The following DUOX2 variants were observed in gnomAD, a reference collection of about 807,000 sequenced individuals.
DUOX2 encodes the protein dual oxidase 2.
In DUOX2, 185 loss-of-function variants were observed where a neutral mutation model predicts 183.3. That is an observed-to-expected ratio of 1.01 (90% CI 0.90 to 1.14). The LOEUF (loss-of-function observed/expected upper bound fraction) is 1.14. Among genes scored for constraint, DUOX2 ranks in the 50% most tolerant of loss-of-function variants. The probability of loss-of-function intolerance (pLI) is 0.00; values close to 1 mark genes in which losing one functional copy is unlikely to be tolerated. For missense variants in DUOX2, 1,999 were observed against 2,022.9 expected, an observed-to-expected ratio of 0.99 and a Z score of 0.23; for synonymous variants, 788 against 812.4, an observed-to-expected ratio of 0.97 and a Z score of 0.51.
At chr15:45,097,786 G>A (rs1337027123) in intron 27 of DUOX2, 45 bp from the exon 28 acceptor site, 2 of 1,613,954 alleles carry the variant, frequency 1.2e-6, no homozygotes, top group Admixed American at 1.7e-5. Flanking sequence ...CAGGACTTCA[G>A]CTTGGGCTGA....
chr15:45,101,438 C>T, intron 21 of DUOX2, 164 bp from the exon 22 acceptor site: 1 of 709,194 alleles, frequency 1.4e-6, no homozygotes, highest in South Asian at 1.6e-5. Context: ...ACAGGGCAGA[C>T]AATGTGGCAA....
rs1893941558 is a variant in DUOX2, at chr15:45,097,656, G to A, written c.3651C>T (p.Gly1217=). The A allele has an allele frequency of 6.2e-7, 1 of 1,614,230 alleles. No individual in the cohort carries two copies. Among genetic ancestry groups the A allele is most frequent in the African/African-American group, 1.3e-5 (1 of 75,070 alleles). The stretch of plus-strand genomic sequence containing the variant: ...TGTAGAGGTGGTGGGTCAGCCAGAA[G>A]CCCCGGAAGCTGCGGCGGCGGAAGT... ...SHHFRRRSFR[G]FWLTHHLYIL... Residue 1217 remains glycine (G), a synonymous_variant, in exon 28 of 34, where the codon GGC becomes GGT. Coordinates refer to ENST00000389039, the MANE Select transcript of DUOX2 (RefSeq NM_001363711.2).
chr15:45,106,917 A>G lies in DUOX2; in HGVS notation c.1746T>C (p.Cys582=), dbSNP rs2141152108. The part of the protein sequence containing the change: ...KQLTTDGLPQ[C]APLTVLDFFE... ...AGAAGTCAAGCACAGTCAGGGGTGC[A>G]CACTGGGGCAGGCCGTCAGTTGTGA... Residue 582 remains cysteine, a synonymous_variant, in exon 15 of 34, where the codon TGT becomes TGC. Transcript: ENST00000389039. 6.3e-7 allele frequency: 1 copy of G among 1,582,158 alleles called. No homozygotes were observed. The highest frequency in any genetic ancestry group is 8.6e-7 in the Non-Finnish European group (1 of 1,164,594).
intron 6 of DUOX2, 29 bp downstream of exon 6, chr15:45,111,355 C>T (rs1272175691): frequency 1.5e-5 from 22 of 1,427,516 alleles, no homozygotes; most frequent in Non-Finnish European, 9.1e-7. Context: ...AGACCCCCAG[C>T]CGGCCCCGTC....
intron 16 of DUOX2, 25 bp from the exon 17 acceptor site, chr15:45,106,352 G>A (rs1336694269): frequency 2.5e-6 from 4 of 1,613,128 alleles, no homozygotes; most frequent in Non-Finnish European, 1.7e-6. Flanking sequence ...ATTGGGCCGG[G>A]TAGTTCAGCA....
Position 45,104,045 on chromosome 15 carries a change from C to A in DUOX2, c.2569G>T (p.Glu857Ter). The A allele has an allele frequency of 6.2e-7, 1 of 1,614,166 alleles. No homozygotes were observed. Among genetic ancestry groups the A allele is most frequent in the Non-Finnish European group, 8.5e-7 (1 of 1,180,020 alleles). Residue 857 changes from glutamate (E) to a stop codon, truncating the protein, a stop_gained, in exon 20 of 34, where the codon GAG becomes TAG. Coordinates refer to ENST00000389039, the MANE Select transcript of DUOX2 (RefSeq NM_001363711.2). LOFTEE classifies it high-confidence loss of function. ...GTAAACATTAGACGGGACTTATCCTCTGGGGAGCCTGGGAAGAAAAAAGGG... is the reference window on the plus strand; with the variant it reads ...GTAAACATTAGACGGGACTTATCCTATGGGGAGCCTGGGAAGAAAAAAGGG... ...ILVVFMKGSP[E>*]DKSRLMFTMY...
Position 45,103,962 on chromosome 15 carries a change from C to T in DUOX2, c.2652G>A (p.Met884Ile). The T allele has an allele frequency of 6.2e-7, 1 of 1,614,104 alleles. No individual in the cohort carries two copies. The highest frequency in any genetic ancestry group is 8.5e-7 in the Non-Finnish European group (1 of 1,180,010). Residue 884 changes from methionine (M) to isoleucine (I), a missense_variant and splice_region_variant, in exon 20 of 34, where the codon ATG becomes ATA. By Grantham distance (10) the Met-to-Ile change is conservative. Transcript: ENST00000389039. Reference protein sequence around the residue: ...FLSKDEFFTMMRSFIEISNNC... With the variant: ...FLSKDEFFTMIRSFIEISNNC... ...GATTAGAAAGGCACACCCCATACCGCATCATGGTGAAGAATTCGTCCTTGG... is the reference window on the plus strand; with the variant it reads ...GATTAGAAAGGCACACCCCATACCGTATCATGGTGAAGAATTCGTCCTTGG...
rs113800136 is a variant in DUOX2 at position 45,110,839 on chromosome 15, G to A, written c.883-129C>T. The A allele has an allele frequency of 6.6e-3, 9,250 of 1,392,562 alleles. 50 individuals carry two copies. Among genetic ancestry groups the A allele is most frequent in the African/African-American group, 0.035 (2,442 of 70,758 alleles). The allele number at this position is 1,392,562 out of a possible 1,614,324, so 86.3% of individuals were successfully genotyped here. A position where few individuals can be genotyped will look rare whatever the true frequency, so the allele number is the denominator to read the frequency against. ...GGTCAATCATGGGAGAAGCAACTCA[G>A]ACAGGAGCAGTGTGAGGCCTGTCCC... On this transcript the variant is annotated intron_variant, in intron 7 of 33. Transcript: ENST00000389039.
chr15:45,109,824 T>G (rs574200192), intron 10 of DUOX2, 66 bp downstream of exon 10: 19 of 1,527,662 alleles, frequency 1.2e-5, no homozygotes, highest in Admixed American at 8.3e-5. Flanking sequence ...GGATTGTTGC[T>G]TTTCCCAGCC....
chr15:45,109,686 T>A, intron 10 of DUOX2, 60 bp from the exon 11 acceptor site: 2 of 1,558,720 alleles, frequency 1.3e-6, no homozygotes, highest in Non-Finnish European at 1.8e-6. Context: ...TCTCTCAGCC[T>A]GGACCACTTT....
At position 45,113,018 on chromosome 15, in the gene DUOX2, G is replaced by A. The variant is rs780389134; in HGVS notation, c.129C>T (p.Asn43=). 1.2e-6 allele frequency: 2 copies of A among 1,613,882 alleles called. No individual in the cohort carries two copies. The highest frequency in any genetic ancestry group is 1.3e-5 in the African/African-American group (1 of 75,062). ...WEVQRYDGWF[N]NLRHHERGAV... ...CACCACGCTCGTGGTGCCTCAGGTTGTTAAACCAGCCGTCATAGCGCTGCA... is the reference window on the plus strand; with the variant it reads ...CACCACGCTCGTGGTGCCTCAGGTTATTAAACCAGCCGTCATAGCGCTGCA... Residue 43 remains asparagine (N), a synonymous_variant, in exon 3 of 34, where the codon AAC becomes AAT. Transcript: ENST00000389039.
At position 45,104,025 on chromosome 15, in the gene DUOX2, CATT is replaced by C. The variant is rs1271722550; in HGVS notation, c.2586_2588del (p.Met863del). 6.2e-7 allele frequency: 1 copy of C among 1,614,146 alleles called. No homozygotes were observed. Among genetic ancestry groups the C allele is most frequent in the South Asian group, 1.1e-5 (1 of 91,072 alleles). ...TCTCATCCAGGTCATACATGGTAAA[CATT>C]AGACGGGACTTATCCTCTGGGGAGC... On this transcript the variant is annotated inframe_deletion, in exon 20 of 34. Coordinates refer to ENST00000389039, the MANE Select transcript of DUOX2 (RefSeq NM_001363711.2).
Position 45,096,068 on chromosome 15 carries a change from T to A in DUOX2, c.3848-8A>T. ...ATTGCAGGTAGGTCACTCCTGGAGG[T>A]CATAGACAGGGAAAAGCACAGATGA... On this transcript the variant is annotated splice_region_variant and splice_polypyrimidine_tract_variant and intron_variant, in intron 29 of 33. Coordinates refer to ENST00000389039, the MANE Select transcript of DUOX2 (RefSeq NM_001363711.2). 1 of 1,612,252 alleles carries A rather than the reference T, an allele frequency of 6.2e-7. No homozygotes were observed. Among genetic ancestry groups the A allele is most frequent in the Non-Finnish European group, 8.5e-7 (1 of 1,178,482 alleles).
intron 26 of DUOX2, chr15:45,099,078 C>G (rs925812076): frequency 5.8e-6 from 2 of 342,476 alleles, no homozygotes; most frequent in African/African-American, 4.3e-5. Flanking sequence ...TGGCGCTATC[C>G]CGGCTCACTG....
chr15:45,096,393 A>T (rs1190128772), intron 29 of DUOX2, among the ~76,000 whole-genome samples: 1 of 152,114 alleles, frequency 6.6e-6, no homozygotes, highest in Non-Finnish European at 1.5e-5. Context: ...AGTGGCTACC[A>T]GACCTCCATT....
Position 45,105,508 on chromosome 15 carries a change from C to A in DUOX2, c.2334+135G>T, listed in dbSNP as rs1687485996. 3.6e-6 allele frequency: 4 copies of A among 1,108,324 alleles called. No homozygotes were observed. The Admixed American group carries it at 7.3e-5, about 20-fold the overall frequency. 68.7% of individuals were successfully genotyped at this position (1,108,324 alleles called of 1,614,324 possible). A position where few individuals can be genotyped will look rare whatever the true frequency, so the allele number is the denominator to read the frequency against. The stretch of plus-strand genomic sequence containing the variant: ...ACAGAGCTAAGTAAAGTGGCAATGC[C>A]AGGATTCAAACAAGGCTATTTCTCT... On this transcript the variant is annotated intron_variant, in intron 18 of 33. Transcript: ENST00000389039.
At position 45,114,092 on chromosome 15, in the gene DUOX2, G is replaced by A. The variant is rs1415027273; in HGVS notation, c.-134C>T. ...AGCTCCGCCGATCCTCAGCCTCCCC[G>A]GCTGCACTCTCACCTTTCTCTCTGG... On this transcript the variant is annotated 5_prime_UTR_variant, in exon 1 of 34. Coordinates refer to ENST00000389039, the MANE Select transcript of DUOX2 (RefSeq NM_001363711.2). The A allele has an allele frequency of 4.9e-6, 1 of 204,762 alleles. No homozygotes were observed. The highest frequency in any genetic ancestry group is 8.9e-5 in the South Asian group (1 of 11,184). 12.7% of individuals were successfully genotyped at this position (204,762 alleles called of 1,614,324 possible).
Position 45,106,959 on chromosome 15 carries a change from G to T in DUOX2, c.1704C>A (p.Cys568Ter). Residue 568 changes from cysteine to a stop codon, truncating the protein, a stop_gained, in exon 15 of 34, where the codon TGC becomes TGA. Coordinates refer to ENST00000389039, the MANE Select transcript of DUOX2 (RefSeq NM_001363711.2). LOFTEE classifies it high-confidence loss of function. ...CAGTTGTGAGCTGCTTAGGTTGAGG[G>T]CAGGGTGCACCTGAGGGAGAGGGCA... ...NVFVWHKGAPCPQPKQLTTDG... is the reference protein window; with the variant it reads ...NVFVWHKGAP 6.3e-7 allele frequency: 1 copy of T among 1,576,616 alleles called. No homozygotes were observed. Among genetic ancestry groups the T allele is most frequent in the Non-Finnish European group, 8.6e-7 (1 of 1,161,120 alleles).
At chr15:45,104,480 G>C in intron 18 of DUOX2, 115 bp from the exon 19 acceptor site, 2 of 1,387,306 alleles carry the variant, frequency 1.4e-6, no homozygotes, top group Non-Finnish European at 2.0e-6. Context: ...GCTAAACTCT[G>C]ATGGTTCTCC....
Sources: gnomAD v4.1 joint callset for allele counts (sites outside exome capture counted in the v4.1 genomes callset) on GRCh38, gnomAD v4.1.1 for gene constraint, MANE v1.5 for transcripts, NCBI Gene and HGNC (gene_info 2026-07-23, HGNC 2026-07-21) for gene names.